Variants in DLG2 observed in about 807,000 individuals in gnomAD.
DLG2 encodes discs large MAGUK scaffold protein 2, also known as disks large homolog 2.
A neutral mutation model predicts 132.5 loss-of-function variants in DLG2; 45 were observed. That is an observed-to-expected ratio of 0.34 (90% CI 0.27 to 0.44). DLG2 has a LOEUF of 0.44. Among genes scored for constraint, DLG2 ranks in the 20% least tolerant of loss-of-function variants. DLG2 has a pLI of 1.00. For synonymous variants in DLG2, 424 were observed against 419.6 expected (o/e 1.01, Z -0.13); for missense variants, 1,045 against 1,196.9 (o/e 0.87, Z 1.87).
chr11:84,088,080 T>G (rs2097021517), intron 10 of DLG2, among the ~76,000 whole-genome samples: 1 of 152,222 alleles, frequency 6.6e-6, no homozygotes, highest in African/African-American at 2.4e-5. Flanking sequence ...TTATGTGGGT[T>G]ATCTTTTAAC....
At chr11:84,342,965 G>A (rs754842339) in intron 7 of DLG2, among the ~76,000 whole-genome samples, 5 of 152,158 alleles carry the variant, frequency 3.3e-5, no homozygotes, top group Admixed American at 6.5e-5. Flanking sequence ...CAGCGTCCCA[G>A]GCACCAGGGA....
chr11:84,631,738 T>C (rs1172328806), intron 6 of DLG2, among the ~76,000 whole-genome samples: 1 of 152,092 alleles, frequency 6.6e-6, no homozygotes, highest in Non-Finnish European at 1.5e-5. Context: ...AGTTTTAAAA[T>C]GGGTGGCAAG....
intron 3 of DLG2, among the ~76,000 whole-genome samples, chr11:85,515,559 C>G (rs2094154244): frequency 2.0e-5 from 3 of 151,814 alleles, no homozygotes; most frequent in Non-Finnish European, 2.9e-5. Context: ...TTCATAATAC[C>G]TTGAATCTAG....
At chr11:84,024,983 A>G (rs2095501047) in intron 11 of DLG2, among the ~76,000 whole-genome samples, 1 of 152,170 alleles carries the variant, frequency 6.6e-6, no homozygotes. Flanking sequence ...TTAATAAGTT[A>G]TAATATCACT....
At chr11:83,837,675 G>A (rs1287770196) in intron 16 of DLG2, among the ~76,000 whole-genome samples, 1 of 125,416 alleles carries the variant, frequency 8.0e-6, no homozygotes, top group South Asian at 2.7e-4. Context: ...ACTTATTGGC[G>A]GTTCCAGGCT....
At chr11:84,410,318 G>C (rs1435358121) in intron 7 of DLG2, among the ~76,000 whole-genome samples, 1 of 152,072 alleles carries the variant, frequency 6.6e-6, no homozygotes, top group Non-Finnish European at 1.5e-5. Context: ...CTGTCAAGCT[G>C]ATGGCTTCAA....
At chr11:84,351,485 T>C (rs1157748370) in intron 7 of DLG2, among the ~76,000 whole-genome samples, 1 of 152,190 alleles carries the variant, frequency 6.6e-6, no homozygotes, top group African/African-American at 2.4e-5. Flanking sequence ...CTAACTACCT[T>C]GGCAAGTTAA....
chr11:83,486,479 C>T (rs1020308999), intron 21 of DLG2, among the ~76,000 whole-genome samples: 1 of 151,980 alleles, frequency 6.6e-6, no homozygotes, highest in Non-Finnish European at 1.5e-5. Context: ...GGGCTGCATG[C>T]AAGCCACATC....
intron 18 of DLG2, among the ~76,000 whole-genome samples, chr11:83,651,332 T>C (rs1212608457): frequency 6.6e-6 from 1 of 152,188 alleles, no homozygotes; most frequent in Non-Finnish European, 1.5e-5. Flanking sequence ...TAATGCCAAC[T>C]ACAATTACAA....
chr11:84,308,549 C>T (rs559683696), intron 7 of DLG2, among the ~76,000 whole-genome samples: 2 of 152,350 alleles, frequency 1.3e-5, no homozygotes, highest in Admixed American at 6.5e-5. Flanking sequence ...GCCGTGCGCC[C>T]GCACTCCTCA....
At chr11:83,928,925 CT>C (rs1257143498) in intron 15 of DLG2, among the ~76,000 whole-genome samples, 3 of 152,158 alleles carry the variant, frequency 2.0e-5, no homozygotes, top group East Asian at 1.9e-4. Flanking sequence ...TTCTCACTTC[CT>C]TACGGCTATG....
chr11:84,425,336 A>T (rs1438904067), intron 7 of DLG2, among the ~76,000 whole-genome samples: 1 of 152,148 alleles, frequency 6.6e-6, no homozygotes, highest in South Asian at 2.1e-4. Flanking sequence ...AATGGAAAGC[A>T]TTATTTAATC....
chr11:85,015,872 T>A, intron 6 of DLG2, among the ~76,000 whole-genome samples: 1 of 152,284 alleles, frequency 6.6e-6, no homozygotes, highest in East Asian at 1.9e-4. Flanking sequence ...TGGTAACTTA[T>A]CTCATAGAAA....
Position 84,540,064 on chromosome 11 carries a change from G to C in DLG2, c.358-5333C>G, listed in dbSNP as rs544119985. On this transcript the variant is annotated intron_variant, in intron 6 of 27. Transcript: ENST00000376104. Reference sequence around the variant, plus strand: ...TTCAAGATGGATTAAAGACTTAAATGTTAGACCTAAAACCATAAAAACCCT... The same window carrying C: ...TTCAAGATGGATTAAAGACTTAAATCTTAGACCTAAAACCATAAAAACCCT... 5.9e-5 allele frequency among the ~76,000 whole-genome samples: 9 copies of C among 152,262 alleles called. No individual in the cohort carries two copies. In the East Asian group the frequency reaches 1.7e-3, roughly 29 times the overall value.
intron 3 of DLG2, among the ~76,000 whole-genome samples, chr11:85,437,148 G>A (rs150997524): frequency 0.011 from 1,632 of 152,148 alleles, 12 homozygotes; most frequent in Middle Eastern, 0.031. Flanking sequence ...CAGGAACTGC[G>A]TGGGGAGGGA....
At chr11:84,925,528 G>A (rs2154086574) in intron 6 of DLG2, among the ~76,000 whole-genome samples, 1 of 152,188 alleles carries the variant, frequency 6.6e-6, no homozygotes, top group South Asian at 2.1e-4. Context: ...TCATTTTATA[G>A]ATGCAGGAAA....
intron 7 of DLG2, among the ~76,000 whole-genome samples, chr11:84,327,112 CTTTTT>C (rs11290540): frequency 1.7e-5 from 2 of 119,034 alleles, no homozygotes; most frequent in Admixed American, 1.8e-4. Flanking sequence ...TAATGAGAAT[CTTTTT>C]TTTTTTTTTT....
intron 8 of DLG2, among the ~76,000 whole-genome samples, chr11:84,211,228 T>C (rs2096750048): frequency 6.6e-6 from 1 of 152,162 alleles, no homozygotes; most frequent in African/African-American, 2.4e-5. Context: ...AAGTACTTTC[T>C]GTATTGCTGT....
intron 6 of DLG2, among the ~76,000 whole-genome samples, chr11:84,734,152 A>T (rs524960): frequency 0.84 from 127,456 of 152,112 alleles, 54,142 homozygotes; most frequent in Middle Eastern, 0.93. Flanking sequence ...AACTTTAAAG[A>T]AGTTTTTTCC....
Sources: gnomAD v4.1 joint callset for allele counts (sites outside exome capture counted in the v4.1 genomes callset) on GRCh38, gnomAD v4.1.1 for gene constraint, MANE v1.5 for transcripts, NCBI Gene and HGNC (gene_info 2026-07-23, HGNC 2026-07-21) for gene names.